ZFYVE16: variants seen among roughly 807,000 people sequenced by gnomAD.
The protein encoded by ZFYVE16 is zinc finger FYVE-type containing 16, also known as zinc finger FYVE domain-containing protein 16.
ZFYVE16 carries 89 observed loss-of-function variants against 138.1 expected under a neutral mutation model. The ratio of observed to expected loss-of-function variants is 0.64; its 90% confidence interval spans 0.54 to 0.77. ZFYVE16 has a LOEUF of 0.77. Ranked by LOEUF, ZFYVE16 falls within the 30% of genes least tolerant of loss-of-function variation. ZFYVE16 has a pLI of 0.00. For missense variants in ZFYVE16, 1,793 were observed against 1,786.7 expected (o/e 1.00, Z -0.06); for synonymous variants, 596 against 618.3 (o/e 0.96, Z 0.53).
Position 80,481,117 on chromosome 5 carries a change from T to C in ZFYVE16, c.*3740T>C, listed in dbSNP as rs115213877. On this transcript the variant is annotated 3_prime_UTR_variant, in exon 19 of 19. Transcript: ENST00000505560. ...ACCCACCGCCCCACCAGGAGAACCA[T>C]GGGTAATGACTTGGAACCTTCTGGA... Among the ~76,000 whole-genome samples, 1,415 of 152,102 alleles carry C rather than the reference T, an allele frequency of 9.3e-3. 31 individuals carry two copies. The highest frequency in any genetic ancestry group is 0.032 in the African/African-American group (1,346 of 41,496).
chr5:80,411,384 C>T (rs1050482081), intron 1 of ZFYVE16, among the ~76,000 whole-genome samples: 2 of 152,178 alleles, frequency 1.3e-5, no homozygotes. Context: ...TTACTAACAT[C>T]ATTAATGTTT....
At chr5:80,469,541 G>A (rs1754086123) in intron 15 of ZFYVE16, among the ~76,000 whole-genome samples, 1 of 152,090 alleles carries the variant, frequency 6.6e-6, no homozygotes, top group Non-Finnish European at 1.5e-5. Flanking sequence ...ACTGCTCCTG[G>A]CATCAGTCTG....
intron 16 of ZFYVE16, 83 bp from the exon 17 acceptor site, chr5:80,473,671 C>T: frequency 1.1e-6 from 1 of 924,680 alleles, no homozygotes; most frequent in Non-Finnish European, 1.6e-6. Flanking sequence ...TTTTTTCCCT[C>T]ATTCCATTTG....
Position 80,450,464 on chromosome 5 carries a change from A to G in ZFYVE16, c.3260A>G (p.Asn1087Ser), listed in dbSNP as rs1282758361. ...SSDKYWYFST[N>S]GLHGLGQAEI... The stretch of plus-strand genomic sequence containing the variant: ...GACAAATATTGGTACTTTTCAACCA[A>G]TGGATTGCATGGCTTGGGACAGGCA... The change falls in exon 10 of 19, where the codon AAT becomes AGT. Residue 1087 changes from asparagine (N) to serine (S), a missense_variant. By Grantham distance (46) the Asn-to-Ser change is conservative. This residue lies in a region of ZFYVE16 where 498 missense variants were observed against 582.4 expected (regional missense o/e 0.86). Coordinates refer to ENST00000505560, the MANE Select transcript of ZFYVE16 (RefSeq NM_001284236.3). The G allele has an allele frequency of 5.0e-6, 8 of 1,613,486 alleles. No homozygotes were observed. The highest frequency in any genetic ancestry group is 2.7e-5 in the African/African-American group (2 of 74,906).
chr5:80,477,501 G>A lies in ZFYVE16; in HGVS notation c.*124G>A. 3.6e-6 allele frequency: 3 copies of A among 844,098 alleles called. No individual in the cohort carries two copies. Among genetic ancestry groups the A allele is most frequent in the Non-Finnish European group, 5.0e-6 (3 of 598,830 alleles). 52.3% of individuals were successfully genotyped at this position (844,098 alleles called of 1,614,324 possible). A position where few individuals can be genotyped will look rare whatever the true frequency, so the allele number is the denominator to read the frequency against. The stretch of plus-strand genomic sequence containing the variant: ...CTGATTTTTGAAACACATAAGCTTT[G>A]CTCTTTAGGCAGGAATGATCTTTTC... On this transcript the variant is annotated 3_prime_UTR_variant, in exon 19 of 19. Coordinates refer to ENST00000505560, the MANE Select transcript of ZFYVE16 (RefSeq NM_001284236.3).
intron 1 of ZFYVE16, among the ~76,000 whole-genome samples, chr5:80,418,140 TTTC>T (rs1237253912): frequency 2.6e-5 from 4 of 152,184 alleles, no homozygotes; most frequent in African/African-American, 7.2e-5. Context: ...GATTATTTTC[TTTC>T]TTCTTTTCCT....
intron 18 of ZFYVE16, 120 bp from the exon 19 acceptor site, chr5:80,477,099 A>T: frequency 1.3e-6 from 1 of 793,244 alleles, no homozygotes; most frequent in African/African-American, 1.8e-5. Flanking sequence ...TTATAAATAT[A>T]TCAAATATTT....
intron 15 of ZFYVE16, among the ~76,000 whole-genome samples, chr5:80,460,401 C>CT (rs1752978267): frequency 6.6e-6 from 1 of 152,148 alleles, no homozygotes; most frequent in Non-Finnish European, 1.5e-5. Context: ...TTTTTAGTGT[C>CT]TTTTAAATAG....
Position 80,482,112 on chromosome 5 carries a change from C to T in ZFYVE16, c.*4735C>T, listed in dbSNP as rs990185514. Among the ~76,000 whole-genome samples the T allele has an allele frequency of 1.3e-5, 2 of 152,352 alleles. No individual in the cohort carries two copies. Among genetic ancestry groups the T allele is most frequent in the African/African-American group, 4.8e-5 (2 of 41,580 alleles). On this transcript the variant is annotated 3_prime_UTR_variant, in exon 19 of 19. Coordinates refer to ENST00000505560, the MANE Select transcript of ZFYVE16 (RefSeq NM_001284236.3). Reference sequence around the variant, plus strand: ...CTGGGATTACAGGCATAAGCCAGCACACCTGGCCGTTAAACTAGTTATTTT... The same window carrying T: ...CTGGGATTACAGGCATAAGCCAGCATACCTGGCCGTTAAACTAGTTATTTT...
chr5:80,474,669 T>A lies in ZFYVE16; in HGVS notation c.4300T>A (p.Tyr1434Asn), dbSNP rs562575600. 1 of 1,608,108 alleles carries A rather than the reference T, an allele frequency of 6.2e-7. No individual in the cohort carries two copies. The highest frequency in any genetic ancestry group is 1.7e-5 in the Admixed American group (1 of 58,338). The part of the protein sequence containing the change: ...EKIVKCTEVF[Y>N]FLKDQDLSIL... Reference sequence around the variant, plus strand: ...CTAATTAAATACATTTCAGGTGTTCTACTTTCTAAAGGACCAGGATTTATC... The same window carrying A: ...CTAATTAAATACATTTCAGGTGTTCAACTTTCTAAAGGACCAGGATTTATC... The change falls in exon 18 of 19, where the codon TAC becomes AAC. Residue 1434 changes from tyrosine to asparagine, a missense_variant. Tyr to Asn is a moderately radical substitution (Grantham distance 143). Transcript: ENST00000505560.
In ZFYVE16 at chr5:80,479,892, G is replaced by A. The variant is rs889816839; in HGVS notation, c.*2515G>A. Among the ~76,000 whole-genome samples the A allele has an allele frequency of 4.6e-5, 7 of 152,124 alleles. No individual in the cohort carries two copies. The highest frequency in any genetic ancestry group is 1.7e-4 in the African/African-American group (7 of 41,416). The stretch of plus-strand genomic sequence containing the variant: ...ACCTTTAGGATGATAATGAATCAGA[G>A]GTGGAAGAACCAATGTAAAAGAACA... On this transcript the variant is annotated 3_prime_UTR_variant, in exon 19 of 19. Transcript: ENST00000505560.
chr5:80,449,971 A>T (rs1751810134), intron 9 of ZFYVE16, among the ~76,000 whole-genome samples: 2 of 152,172 alleles, frequency 1.3e-5, no homozygotes, highest in South Asian at 4.1e-4. Flanking sequence ...CTGTATTTTG[A>T]TACTCATGAT....
chr5:80,427,610 CTTTTTTTT>C, intron 2 of ZFYVE16, 65 bp downstream of exon 2: 3 of 50,008 alleles, frequency 6.0e-5, no homozygotes, highest in Non-Finnish European at 8.2e-5. Context: ...CTGTCGTATG[CTTTTTTTT>C]TTTTTTTTTT....
chr5:80,412,264 TAA>T (rs1745560495), intron 1 of ZFYVE16, among the ~76,000 whole-genome samples: 1 of 152,234 alleles, frequency 6.6e-6, no homozygotes, highest in Admixed American at 6.5e-5. Flanking sequence ...AAGAGATTTT[TAA>T]AAACCATTTT....
At chr5:80,460,481 A>G (rs1752988499) in intron 15 of ZFYVE16, among the ~76,000 whole-genome samples, 1 of 152,172 alleles carries the variant, frequency 6.6e-6, no homozygotes, top group South Asian at 2.1e-4. Context: ...GAAATCTATC[A>G]TACAGTTTCG....
intron 4 of ZFYVE16, 73 bp from the exon 5 acceptor site, chr5:80,439,863 C>A: frequency 8.1e-7 from 1 of 1,235,950 alleles, no homozygotes; most frequent in South Asian, 1.7e-5. Flanking sequence ...AGGTTTAGGA[C>A]CTCCCCACAC....
chr5:80,445,149 C>A, intron 6 of ZFYVE16, 114 bp from the exon 7 acceptor site: 1 of 1,127,186 alleles, frequency 8.9e-7, no homozygotes, highest in Non-Finnish European at 1.3e-6. Context: ...CCTGAGAATT[C>A]AGGGGTTGCC....
At chr5:80,436,647 A>C (rs905774995) in intron 3 of ZFYVE16, 109 bp from the exon 4 acceptor site, 15 of 989,434 alleles carry the variant, frequency 1.5e-5, no homozygotes, top group Admixed American at 2.9e-5. Flanking sequence ...AGGATAATCT[A>C]TGTTCTTTTA....
intron 1 of ZFYVE16, among the ~76,000 whole-genome samples, chr5:80,425,526 G>A (rs943986688): frequency 6.6e-6 from 1 of 152,136 alleles, no homozygotes; most frequent in Non-Finnish European, 1.5e-5. Context: ...TTACAAATTT[G>A]TATAGTTTCA....
Sources: gnomAD v4.1 joint callset for allele counts (sites outside exome capture counted in the v4.1 genomes callset) on GRCh38, gnomAD v4.1.1 for gene constraint, gnomAD v4.1.1 regional missense constraint, MANE v1.5 for transcripts, NCBI Gene and HGNC (gene_info 2026-07-23, HGNC 2026-07-21) for gene names.